The following GABRA1 variants were observed in gnomAD, a reference collection of about 807,000 sequenced individuals.
The protein encoded by GABRA1 is gamma-aminobutyric acid type A receptor subunit alpha1.
A neutral mutation model predicts 48.9 loss-of-function variants in GABRA1; 9 were observed. The ratio of observed to expected loss-of-function variants is 0.18; its 90% CI spans 0.11 to 0.32. The LOEUF is 0.32. Among genes scored for constraint, GABRA1 ranks in the 10% least tolerant of loss-of-function variants. GABRA1 has a pLI of 1.00. For synonymous variants in GABRA1, 210 were observed against 198.7 expected (o/e 1.06, Z -0.48); for missense variants, 285 against 553.8 (o/e 0.51, Z 4.87).
At chr5:161,865,939 A>G (rs904600470) in intron 4 of GABRA1, 151 bp downstream of exon 4, 7 of 632,646 alleles carry the variant, frequency 1.1e-5, no homozygotes, top group Admixed American at 1.0e-4. Flanking sequence ...TATGTAATAT[A>G]ATATTTATAC....
intron 8 of GABRA1, among the ~76,000 whole-genome samples, chr5:161,894,233 A>G (rs1755258566): frequency 6.6e-6 from 1 of 152,186 alleles, no homozygotes; most frequent in Non-Finnish European, 1.5e-5. Context: ...AAAAAATTTT[A>G]TAAACCCCAG....
intron 8 of GABRA1, among the ~76,000 whole-genome samples, chr5:161,893,062 G>A (rs189731885): frequency 1.9e-4 from 24 of 124,234 alleles, no homozygotes; most frequent in African/African-American, 6.6e-4. Context: ...ATAAACACAG[G>A]ACATATTTAT....
At chr5:161,885,867 C>T (rs182105630) in intron 7 of GABRA1, among the ~76,000 whole-genome samples, 5 of 152,230 alleles carry the variant, frequency 3.3e-5, no homozygotes, top group African/African-American at 9.6e-5. Context: ...CATTTATCCA[C>T]GTAATCCTTA....
intron 4 of GABRA1, among the ~76,000 whole-genome samples, chr5:161,868,341 G>A (rs1467624370): frequency 1.3e-5 from 2 of 152,038 alleles, no homozygotes; most frequent in Non-Finnish European, 2.9e-5. Flanking sequence ...AAGAGCACAG[G>A]AGAATTTTTC....
At chr5:161,871,225 C>T (rs942050178) in intron 4 of GABRA1, among the ~76,000 whole-genome samples, 4 of 151,978 alleles carry the variant, frequency 2.6e-5, no homozygotes, top group Admixed American at 2.6e-4. Context: ...ATTTTATTTT[C>T]ATAAAACCTC....
chr5:161,878,422 C>A (rs1269218213), intron 6 of GABRA1, among the ~76,000 whole-genome samples: 3 of 152,084 alleles, frequency 2.0e-5, no homozygotes, highest in Admixed American at 1.3e-4. Context: ...CAAGAATGGG[C>A]TAAAAATATT....
intron 7 of GABRA1, among the ~76,000 whole-genome samples, chr5:161,884,450 C>T (rs1754751548): frequency 6.6e-6 from 1 of 152,124 alleles, no homozygotes; most frequent in African/African-American, 2.4e-5. Flanking sequence ...GAGACCACAT[C>T]TGTCTTCTCT....
At chr5:161,870,609 GGAAGAAAGAA>G (rs1754069413) in intron 4 of GABRA1, among the ~76,000 whole-genome samples, 1 of 129,288 alleles carries the variant, frequency 7.7e-6, no homozygotes, top group Non-Finnish European at 1.7e-5. Flanking sequence ...AAGAAAGAAA[GGAAGAAAGAA>G]AGACAGACAG....
chr5:161,897,081 A>G, intron 9 of GABRA1, 30 bp from the exon 10 acceptor site: 1 of 1,611,122 alleles, frequency 6.2e-7, no homozygotes, highest in Non-Finnish European at 8.5e-7. Context: ...CTGTTTACTA[A>G]ACAAAATGCA....
chr5:161,865,867 CT>C, intron 4 of GABRA1, 79 bp downstream of exon 4: 1 of 1,168,708 alleles, frequency 8.6e-7, no homozygotes, highest in Non-Finnish European at 1.3e-6. Flanking sequence ...AAACTAAGTT[CT>C]TAGGGAGCAA....
intron 3 of GABRA1, among the ~76,000 whole-genome samples, chr5:161,854,763 T>C (rs112766484): frequency 1.3e-5 from 2 of 151,774 alleles, no homozygotes; most frequent in African/African-American, 4.8e-5. Context: ...GTGTTGTGGT[T>C]TAACTGTGCA....
intron 1 of GABRA1, chr5:161,848,825 TC>T: frequency 3.0e-6 from 1 of 337,538 alleles, no homozygotes; most frequent in South Asian, 2.1e-5. Flanking sequence ...GGGAGGGGCG[TC>T]GGGGGCCATC....
chr5:161,850,877 GGAA>G lies in GABRA1; in HGVS notation c.72_74del (p.Arg24del). On this transcript the variant is annotated inframe_deletion, in exon 2 of 10. Transcript: ENST00000393943. ...GATCCTCCTTCTGAGCACACTGACTGGAAGAAGGTGGGGACACTTTTTTAAAAA... is the reference window on the plus strand; with the variant it reads ...GATCCTCCTTCTGAGCACACTGACTGGAAGGTGGGGACACTTTTTTAAAAA... 6.2e-7 allele frequency: 1 copy of G among 1,613,252 alleles called. No homozygotes were observed. The highest frequency in any genetic ancestry group is 8.5e-7 in the Non-Finnish European group (1 of 1,179,246).
intron 6 of GABRA1, among the ~76,000 whole-genome samples, chr5:161,879,893 A>G (rs1754537278): frequency 6.6e-6 from 1 of 152,234 alleles, no homozygotes; most frequent in African/African-American, 2.4e-5. Flanking sequence ...CCGTAACAAC[A>G]CATGACAAAG....
Position 161,854,203 on chromosome 5 carries a change from T to C in GABRA1, c.120T>C (p.Thr40=). Residue 40 remains threonine (T), a synonymous_variant, in exon 3 of 10, where the codon ACT becomes ACC. Transcript: ENST00000393943. ...AAGATGAACTTAAAGACAATACCAC[T>C]GTCTTCACCAGGATTTTGGACAGAC... The part of the protein sequence containing the change: ...SLQDELKDNT[T]VFTRILDRLL... 2 of 1,610,426 alleles carry C rather than the reference T, an allele frequency of 1.2e-6. No individual in the cohort carries two copies. Among genetic ancestry groups the C allele is most frequent in the Non-Finnish European group, 1.7e-6 (2 of 1,176,980 alleles).
At chr5:161,891,331 TA>T (rs1413076166) in intron 8 of GABRA1, among the ~76,000 whole-genome samples, 1 of 152,140 alleles carries the variant, frequency 6.6e-6, no homozygotes, top group Non-Finnish European at 1.5e-5. Flanking sequence ...TGCATAATAT[TA>T]AAAACTCATA....
At position 161,897,129 on chromosome 5, in the gene GABRA1, C is replaced by T. The variant is rs771498937; in HGVS notation, c.1078C>T (p.Pro360Ser). 7 of 1,614,016 alleles carry T rather than the reference C, an allele frequency of 4.3e-6. No individual in the cohort carries two copies. Among genetic ancestry groups the T allele is most frequent in the Non-Finnish European group, 5.9e-6 (7 of 1,179,952 alleles). ...VPEKPKKVKD[P>S]LIKKNNTYAP... ...TCTACAGCCAAAGAAAGTAAAGGAT[C>T]CTCTTATTAAGAAAAACAACACTTA... The change falls in exon 10 of 10, where the codon CCT (proline) becomes TCT (serine). Residue 360 changes from proline (P) to serine (S), a missense_variant. Coordinates refer to ENST00000393943, the MANE Select transcript of GABRA1 (RefSeq NM_001127644.2).
intron 3 of GABRA1, among the ~76,000 whole-genome samples, chr5:161,865,517 A>G (rs1029538313): frequency 6.6e-6 from 1 of 152,150 alleles, no homozygotes; most frequent in Admixed American, 6.6e-5. Flanking sequence ...CCAAAGTGGC[A>G]TATTTAGGCT....
intron 8 of GABRA1, among the ~76,000 whole-genome samples, chr5:161,893,767 T>C (rs182729674): frequency 2.9e-4 from 44 of 152,320 alleles, no homozygotes; most frequent in Non-Finnish European, 3.7e-4. Context: ...CAGTTGTCTG[T>C]TAAATGAAAG....
Sources: allele counts gnomAD v4.1 joint callset (sites outside exome capture counted in the v4.1 genomes callset), GRCh38; gene constraint gnomAD v4.1.1; transcripts MANE v1.5; gene names NCBI Gene and HGNC (gene_info 2026-07-23, HGNC 2026-07-21).